ACAD11: variants seen among roughly 807,000 people sequenced by gnomAD.
The protein encoded by ACAD11 is acyl-Coenzyme A dehydrogenase family, member 11.
Under a neutral mutation model 102.2 loss-of-function variants are expected in ACAD11, and 83 were observed. The observed-to-expected ratio is 0.81, with a 90% CI of 0.68 to 0.97. ACAD11 has a LOEUF of 0.97. ACAD11 is among the 50% of genes least tolerant of loss of function. The probability of loss-of-function intolerance (pLI) is 0.00; values close to 1 mark genes in which losing one functional copy is unlikely to be tolerated. For synonymous variants in ACAD11, 324 were observed against 319.8 expected (o/e 1.01, Z -0.14); for missense variants, 901 against 951.7 (o/e 0.95, Z 0.70).
intron 17 of ACAD11, among the ~76,000 whole-genome samples, chr3:132,565,217 C>T (rs1937175573): frequency 6.6e-6 from 1 of 152,180 alleles, no homozygotes; most frequent in Non-Finnish European, 1.5e-5. Flanking sequence ...GGTGCCCCAG[C>T]TCCCCTGCCA....
At chr3:132,642,615 C>A in intron 3 of ACAD11, 62 bp downstream of exon 3, 1 of 1,467,596 alleles carries the variant, frequency 6.8e-7, no homozygotes, top group South Asian at 1.3e-5. Flanking sequence ...CATAATAAAA[C>A]ATCTTAATTA....
intron 5 of ACAD11, among the ~76,000 whole-genome samples, chr3:132,635,199 G>C (rs1313422974): frequency 1.3e-5 from 2 of 152,078 alleles, no homozygotes; most frequent in African/African-American, 4.8e-5. Context: ...AGGCAGGATG[G>C]ATGAGGTCCA....
At chr3:132,630,719 C>T (rs1185411068) in intron 6 of ACAD11, among the ~76,000 whole-genome samples, 161 bp from the exon 7 acceptor site, 1 of 152,056 alleles carries the variant, frequency 6.6e-6, no homozygotes, top group Admixed American at 6.5e-5. Context: ...TTATTATATA[C>T]AAAGGATTAT....
intron 13 of ACAD11, among the ~76,000 whole-genome samples, chr3:132,586,576 C>T (rs1451409403): frequency 1.3e-5 from 2 of 151,990 alleles, no homozygotes; most frequent in African/African-American, 2.4e-5. Flanking sequence ...ATTATCTGTC[C>T]CATTTTTCCC....
intron 18 of ACAD11, 21 bp downstream of exon 18, chr3:132,561,080 G>A (rs755780124): frequency 1.3e-5 from 20 of 1,589,358 alleles, no homozygotes; most frequent in Non-Finnish European, 1.7e-5. Flanking sequence ...TTGGTGGTCT[G>A]AGGGGAGAAG....
At chr3:132,565,941 A>G (rs1937195888) in intron 17 of ACAD11, among the ~76,000 whole-genome samples, 1 of 152,198 alleles carries the variant, frequency 6.6e-6, no homozygotes, top group African/African-American at 2.4e-5. Context: ...TTTCTTTATA[A>G]ATCACCCAGT....
At chr3:132,590,098 CAA>C (rs1476744464) in intron 13 of ACAD11, among the ~76,000 whole-genome samples, 3 of 152,162 alleles carry the variant, frequency 2.0e-5, no homozygotes, top group African/African-American at 7.2e-5. Flanking sequence ...ATTCTTTATC[CAA>C]TCTGTCATTG....
At chr3:132,627,639 G>T (rs1398257124) in intron 8 of ACAD11, among the ~76,000 whole-genome samples, 4 of 152,020 alleles carry the variant, frequency 2.6e-5, no homozygotes, top group Non-Finnish European at 5.9e-5. Flanking sequence ...CAAACCTGCA[G>T]GCTCTGCACA....
At chr3:132,654,411 A>G (rs1331983994) in intron 1 of ACAD11, 1 of 152,222 alleles carries the variant, frequency 6.6e-6, no homozygotes, top group East Asian at 1.9e-4. Context: ...GAAATCACTG[A>G]CCACTCAGAG....
At chr3:132,572,327 A>G (rs920550518) in intron 17 of ACAD11, among the ~76,000 whole-genome samples, 7 of 152,112 alleles carry the variant, frequency 4.6e-5, no homozygotes, top group African/African-American at 1.7e-4. Context: ...CTAGGAATAG[A>G]GCTAACCAGG....
intron 13 of ACAD11, among the ~76,000 whole-genome samples, chr3:132,598,873 A>G (rs778983642): frequency 6.6e-6 from 1 of 152,232 alleles, no homozygotes; most frequent in Non-Finnish European, 1.5e-5. Flanking sequence ...TGTGGCTTTC[A>G]GGTGAAGAGA....
intron 13 of ACAD11, among the ~76,000 whole-genome samples, chr3:132,591,424 G>A (rs1215493051): frequency 6.6e-6 from 1 of 152,038 alleles, no homozygotes; most frequent in Non-Finnish European, 1.5e-5. Context: ...AGAACATCTG[G>A]GTAAATCTTT....
intron 5 of ACAD11, among the ~76,000 whole-genome samples, chr3:132,633,494 T>A (rs1407273820): frequency 6.6e-6 from 1 of 152,176 alleles, no homozygotes; most frequent in Non-Finnish European, 1.5e-5. Flanking sequence ...TATTGAGGAT[T>A]TTTGCATCGA....
intron 11 of ACAD11, among the ~76,000 whole-genome samples, chr3:132,612,623 A>C (rs1939207144): frequency 1.3e-5 from 2 of 152,116 alleles, no homozygotes; most frequent in South Asian, 2.1e-4. Flanking sequence ...ACACATGAAA[A>C]AGCACTCATC....
intron 11 of ACAD11, among the ~76,000 whole-genome samples, chr3:132,616,886 A>G (rs1939428647): frequency 2.6e-5 from 4 of 152,220 alleles, no homozygotes; most frequent in Non-Finnish European, 5.9e-5. Context: ...GAAAAGAGAT[A>G]ATCATTTCAG....
rs777204966 is a variant in ACAD11, at chr3:132,639,419, G to C, written c.702+73C>G. 11 of 1,424,884 alleles carry C rather than the reference G, an allele frequency of 7.7e-6. No individual in the cohort carries two copies. In the African/African-American group the frequency reaches 1.6e-4, roughly 21 times the overall value. The allele number at this position is 1,424,884 out of a possible 1,614,324, so 88.3% of individuals were successfully genotyped here. On this transcript the variant is annotated intron_variant, in intron 5 of 19. Coordinates refer to ENST00000264990, the MANE Select transcript of ACAD11 (RefSeq NM_032169.5). ...GTGGGTTGGGCTCCCTCAGTGCTCT[G>C]GGGGGAGCATTTACTTAGTACTGTG...
At chr3:132,574,997 G>A (rs1016625309) in intron 17 of ACAD11, among the ~76,000 whole-genome samples, 10 of 151,610 alleles carry the variant, frequency 6.6e-5, no homozygotes, top group African/African-American at 2.4e-4. Flanking sequence ...GCCATGCCTG[G>A]TTAATTTTTT....
intron 17 of ACAD11, among the ~76,000 whole-genome samples, chr3:132,563,281 A>G (rs1284872415): frequency 6.6e-6 from 1 of 152,092 alleles, no homozygotes; most frequent in Admixed American, 6.5e-5. Flanking sequence ...TGTTTTGGCT[A>G]CTTTAGTGTT....
intron 11 of ACAD11, among the ~76,000 whole-genome samples, chr3:132,608,295 G>A (rs1355065743): frequency 6.6e-6 from 1 of 152,096 alleles, no homozygotes; most frequent in Non-Finnish European, 1.5e-5. Context: ...AAATGTAAAT[G>A]GGTTAAATGC....
Sources: allele counts gnomAD v4.1 joint callset (sites outside exome capture counted in the v4.1 genomes callset), GRCh38; gene constraint gnomAD v4.1.1; transcripts MANE v1.5; gene names NCBI Gene and HGNC (gene_info 2026-07-23, HGNC 2026-07-21).